Variants in SRRM2 observed in about 807,000 individuals in gnomAD.
SRRM2 encodes the protein serine/arginine repetitive matrix protein 2.
A neutral mutation model predicts 213.8 loss-of-function variants in SRRM2; 30 were observed. That is an observed-to-expected ratio of 0.14 (90% CI 0.10 to 0.19). SRRM2 has a LOEUF of 0.19. Among genes scored for constraint, SRRM2 ranks in the 10% least tolerant of loss-of-function variants. The pLI, the probability that SRRM2 is intolerant of heterozygous loss-of-function variation, is 1.00. For synonymous variants in SRRM2, 2,025 were observed against 1,377.7 expected (o/e 1.47, Z -10.40); for missense variants, 4,904 against 3,647.0 (o/e 1.34, Z -8.88).
At position 2,765,071 on chromosome 16, in the gene SRRM2, G is replaced by A; in HGVS notation, c.4543G>A (p.Glu1515Lys). ...CAACAAGTGTCTTACCCCCCAGAGA[G>A]AAAGAAGCGGGTCAGAATCATCAGT... ...LNNKCLTPQR[E>K]RSGSESSVDQ... Residue 1515 changes from glutamate (E) to lysine (K), a missense_variant, in exon 11 of 15, where the codon GAA becomes AAA. Physicochemically the swap from Glu to Lys is moderately conservative, Grantham distance 56 (BLOSUM62 1). Coordinates refer to ENST00000301740, the MANE Select transcript of SRRM2 (RefSeq NM_016333.4). 6.2e-7 allele frequency: 1 copy of A among 1,614,158 alleles called. No homozygotes were observed.
At chr16:2,756,194 G>A (rs2068133579) in intron 1 of SRRM2, 140 bp from the exon 2 acceptor site, 1 of 852,516 alleles carries the variant, frequency 1.2e-6, no homozygotes, top group Non-Finnish European at 1.7e-6. Context: ...CAGGAGGATG[G>A]TGGAGCATTA....
In SRRM2 at chr16:2,763,641, G is replaced by C; in HGVS notation, c.3113G>C (p.Gly1038Ala). The C allele has an allele frequency of 1.9e-6, 3 of 1,614,116 alleles. No homozygotes were observed. The highest frequency in any genetic ancestry group is 2.5e-6 in the Non-Finnish European group (3 of 1,180,030). The change falls in exon 11 of 15, where the codon GGA becomes GCA. Residue 1038 changes from glycine (G) to alanine (A), a missense_variant. By Grantham distance (60) the Gly-to-Ala change is moderately conservative. Coordinates refer to ENST00000301740, the MANE Select transcript of SRRM2 (RefSeq NM_016333.4). ...CCTGGATCCCTCTCTCTCTGTGCAG[G>C]AGTAAAATCTAGCACACCACCAGGC... Reference protein sequence around the residue: ...SCPGSLSLCAGVKSSTPPGES... With the variant: ...SCPGSLSLCAAVKSSTPPGES...
Position 2,770,675 on chromosome 16 carries a change from G to C in SRRM2, c.8207G>C (p.Arg2736Thr), listed in dbSNP as rs1204865018. Residue 2736 changes from arginine to threonine, a missense_variant, in exon 14 of 15, where the codon AGG (arginine) becomes ACG (threonine). Arg to Thr is a moderately conservative substitution (Grantham distance 71). Coordinates refer to ENST00000301740, the MANE Select transcript of SRRM2 (RefSeq NM_016333.4). ...CGCTCCCCCAGCCACAAGCGCAGGA[G>C]GGAGACACCTAGCCCTCGGCCCATG... ...DSRSPSHKRR[R>T]ETPSPRPMRH... is the part of the protein sequence containing the mutation. The C allele has an allele frequency of 6.4e-7, 1 of 1,555,844 alleles. No individual in the cohort carries two copies. Among genetic ancestry groups the C allele is most frequent in the South Asian group, 1.2e-5 (1 of 84,710 alleles).
intron 11 of SRRM2, 185 bp from the exon 12 acceptor site, chr16:2,768,812 C>T: frequency 3.3e-6 from 4 of 1,206,598 alleles, no homozygotes; most frequent in Non-Finnish European, 3.5e-6. Flanking sequence ...CCTGTTGCTT[C>T]TGTTAGCAGA....
At chr16:2,768,972 T>G (rs1172319591) in intron 11 of SRRM2, 25 bp from the exon 12 acceptor site, 3 of 1,610,560 alleles carry the variant, frequency 1.9e-6, no homozygotes. Flanking sequence ...GCTTGTCTCC[T>G]TGTGACACTC....
At position 2,765,986 on chromosome 16, in the gene SRRM2, T is replaced by C. The variant is rs757499465; in HGVS notation, c.5458T>C (p.Tyr1820His). 18 of 1,613,898 alleles carry C rather than the reference T, an allele frequency of 1.1e-5. No homozygotes were observed. The highest frequency in any genetic ancestry group is 8.5e-7 in the Non-Finnish European group (1 of 1,180,004). ...VTRRRRGGSG[Y>H]HSRSPARQES... ...TCGGCGGCGGAGGGGAGGCTCTGGT[T>C]ATCACTCAAGGTCACCTGCCCGGCA... The change falls in exon 11 of 15, where the codon TAT (tyrosine) becomes CAT (histidine). Residue 1820 changes from tyrosine to histidine, a missense_variant. Transcript: ENST00000301740.
Position 2,764,601 on chromosome 16 carries a change from C to T in SRRM2, c.4073C>T (p.Pro1358Leu), listed in dbSNP as rs531903636. ...SSEVKEDLNG[P>L]FLNQLETDPS... ...GAGGTTAAAGAAGATTTGAATGGAC[C>T]GTTTCTTAATCAGCTGGAAACAGAT... The change falls in exon 11 of 15, where the codon CCG (proline) becomes CTG (leucine). Residue 1358 changes from proline (P) to leucine (L), a missense_variant. Coordinates refer to ENST00000301740, the MANE Select transcript of SRRM2 (RefSeq NM_016333.4). 82 of 1,613,994 alleles carry T rather than the reference C, an allele frequency of 5.1e-5. No individual in the cohort carries two copies. The highest frequency in any genetic ancestry group is 6.7e-5 in the Non-Finnish European group (79 of 1,180,036).
At position 2,766,528 on chromosome 16, in the gene SRRM2, A is replaced by G. The variant is rs534912450; in HGVS notation, c.6000A>G (p.Pro2000=). The G allele has an allele frequency of 1.6e-5, 26 of 1,614,078 alleles. No homozygotes were observed. The South Asian group carries it at 2.3e-4, about 14-fold the overall frequency. The change falls in exon 11 of 15, where the codon CCA becomes CCG. Residue 2000 remains proline, a synonymous_variant. Transcript: ENST00000301740. This position sits in a 1 kb window ranked among gnomAD's most constrained non-coding sequence, Gnocchi z 7.0. The part of the protein sequence containing the change: ...TRRRSRSRTS[P]VTRRRSRSRT... ...GGAGATCTCGATCTCGCACATCTCC[A>G]GTAACTCGAAGAAGGTCCCGCTCTC...
At position 2,766,570 on chromosome 16, in the gene SRRM2, A is replaced by G. The variant is rs148042295; in HGVS notation, c.6042A>G (p.Thr2014=). 98 of 1,613,884 alleles carry G rather than the reference A, an allele frequency of 6.1e-5. No homozygotes were observed. The highest frequency in any genetic ancestry group is 7.7e-5 in the Non-Finnish European group (91 of 1,180,004). ...RRSRSRTSPV[T]RRRSRSRTPP... is the part of the protein sequence containing the mutation. ...CCCGCTCTCGAACCTCACCAGTGACACGCCGCCGCTCTAGGTCCCGGACAC... is the reference window on the plus strand; with the variant it reads ...CCCGCTCTCGAACCTCACCAGTGACGCGCCGCCGCTCTAGGTCCCGGACAC... Residue 2014 remains threonine (T), a synonymous_variant, in exon 11 of 15, where the codon ACA becomes ACG. Coordinates refer to ENST00000301740, the MANE Select transcript of SRRM2 (RefSeq NM_016333.4). This position sits in a 1 kb window ranked among gnomAD's most constrained non-coding sequence, Gnocchi z 7.0.
In SRRM2 at chr16:2,763,625, C is replaced by G. The variant is rs144062030; in HGVS notation, c.3097C>G (p.Leu1033Val). ...ACTAGTTCAAAGTTGCCCTGGATCCCTCTCTCTCTGTGCAGGAGTAAAATC... is the reference window on the plus strand; with the variant it reads ...ACTAGTTCAAAGTTGCCCTGGATCCGTCTCTCTCTGTGCAGGAGTAAAATC... ...DSLVQSCPGS[L>V]SLCAGVKSST... is the part of the protein sequence containing the mutation. Residue 1033 changes from leucine to valine, a missense_variant, in exon 11 of 15, where the codon CTC becomes GTC. Coordinates refer to ENST00000301740, the MANE Select transcript of SRRM2 (RefSeq NM_016333.4). 3.8e-4 allele frequency: 608 copies of G among 1,614,084 alleles called. 2 individuals carry two copies. The East Asian group carries it at 9.7e-3, about 26-fold the overall frequency.
chr16:2,763,989 T>C lies in SRRM2; in HGVS notation c.3461T>C (p.Leu1154Ser), dbSNP rs1218110995. The stretch of plus-strand genomic sequence containing the variant: ...CCTACAGTGGACTCGAATTCTCTCT[T>C]GGGGCAGAGTAGATTGGAGACTGCT... ...SYPTVDSNSL[L>S]GQSRLETAES... Residue 1154 changes from leucine to serine, a missense_variant, in exon 11 of 15, where the codon TTG becomes TCG. Coordinates refer to ENST00000301740, the MANE Select transcript of SRRM2 (RefSeq NM_016333.4). 2 of 1,614,086 alleles carry C rather than the reference T, an allele frequency of 1.2e-6. No homozygotes were observed. The highest frequency in any genetic ancestry group is 2.2e-5 in the East Asian group (1 of 44,906).
In SRRM2 at chr16:2,770,469, A is replaced by G; in HGVS notation, c.8135+4A>G. 1 of 1,603,822 alleles carries G rather than the reference A, an allele frequency of 6.2e-7. No homozygotes were observed. The highest frequency in any genetic ancestry group is 8.5e-7 in the Non-Finnish European group (1 of 1,175,562). ...CCTCACCACGGGACCAGCAGAGGTA[A>G]GGCCAACTGCAGGTGTCAGCACCCA... is the stretch of plus-strand genomic sequence containing the variant. On this transcript the variant is annotated splice_donor_region_variant and intron_variant, in intron 13 of 14. Coordinates refer to ENST00000301740, the MANE Select transcript of SRRM2 (RefSeq NM_016333.4).
At chr16:2,759,234 G>A (rs2068254037) in intron 7 of SRRM2, 62 bp downstream of exon 7, 4 of 1,602,064 alleles carry the variant, frequency 2.5e-6, no homozygotes, top group East Asian at 4.5e-5. Flanking sequence ...TTTTTTTCTT[G>A]GAGTGAAGCT....
rs745641722 is a variant in SRRM2, at chr16:2,762,882, G to A, written c.2354G>A (p.Cys785Tyr). 5.0e-6 allele frequency: 8 copies of A among 1,613,984 alleles called. No individual in the cohort carries two copies. Among genetic ancestry groups the A allele is most frequent in the South Asian group, 2.2e-5 (2 of 91,068 alleles). Residue 785 changes from cysteine to tyrosine, a missense_variant, in exon 11 of 15, where the codon TGC (cysteine) becomes TAC (tyrosine). Cys to Tyr is a radical substitution (Grantham distance 194, BLOSUM62 -2). Coordinates refer to ENST00000301740, the MANE Select transcript of SRRM2 (RefSeq NM_016333.4). Reference sequence around the variant, plus strand: ...CGCAGCCTTTCAGGGTCTTCCCCATGCCCTAAACAAAAGTCACAGACACCA... The same window carrying A: ...CGCAGCCTTTCAGGGTCTTCCCCATACCCTAAACAAAAGTCACAGACACCA... ...LRRSLSGSSP[C>Y]PKQKSQTPPR... is the part of the protein sequence containing the mutation.
chr16:2,764,119 G>C lies in SRRM2; in HGVS notation c.3591G>C (p.Glu1197Asp), dbSNP rs775643828. The change falls in exon 11 of 15, where the codon GAG (glutamate) becomes GAC (aspartate). Residue 1197 changes from glutamate (E) to aspartate (D), a missense_variant. Physicochemically the swap from Glu to Asp is conservative, Grantham distance 45. Transcript: ENST00000301740. The part of the protein sequence containing the change: ...FSPFPVQDRP[E>D]SSLVFKDTLR... ...CCTTTCCAGTACAGGATAGGCCTGA[G>C]TCTTCACTGGTATTCAAAGACACAC... is the stretch of plus-strand genomic sequence containing the variant. 2.7e-5 allele frequency: 43 copies of C among 1,614,032 alleles called. No individual in the cohort carries two copies. In the South Asian group the frequency reaches 4.0e-4, roughly 15 times the overall value.
Position 2,768,170 on chromosome 16 carries a change from T to C in SRRM2, c.7642T>C (p.Ser2548Pro). 6.3e-7 allele frequency: 1 copy of C among 1,596,064 alleles called. No homozygotes were observed. Among genetic ancestry groups the C allele is most frequent in the African/African-American group, 1.3e-5 (1 of 74,680 alleles). The stretch of plus-strand genomic sequence containing the variant: ...CTCTAGCTCCTCCTCTTCTTCATCA[T>C]CGTCGTCGTCGTCCTCCTCCTCCTC... Reference protein sequence around the residue: ...SSSSSSSSSSSSSSSSSSSGS... With the variant: ...SSSSSSSSSSPSSSSSSSSGS... Residue 2548 changes from serine to proline, a missense_variant, in exon 11 of 15, where the codon TCG becomes CCG. Coordinates refer to ENST00000301740, the MANE Select transcript of SRRM2 (RefSeq NM_016333.4).
chr16:2,769,425 T>C, intron 12 of SRRM2, 141 bp downstream of exon 12: 1 of 971,586 alleles, frequency 1.0e-6, no homozygotes, highest in Non-Finnish European at 1.5e-6. Context: ...CTTGCTCTCC[T>C]CTCCCCATGC....
intron 4 of SRRM2, 45 bp downstream of exon 4, chr16:2,757,990 T>C: frequency 6.3e-7 from 1 of 1,579,420 alleles, no homozygotes; most frequent in African/African-American, 1.4e-5. Context: ...TTCTTGATTG[T>C]AAGCTCCATG....
chr16:2,762,662 A>C lies in SRRM2; in HGVS notation c.2134A>C (p.Arg712=). Residue 712 remains arginine, a synonymous_variant, in exon 11 of 15, where the codon AGA becomes CGA. Coordinates refer to ENST00000301740, the MANE Select transcript of SRRM2 (RefSeq NM_016333.4). ...SRSRSLVRRG[R]SHSRTPQRRG... is the part of the protein sequence containing the mutation. ...CAGTAGAAGCTTAGTTAGACGTGGA[A>C]GATCTCACTCTAGAACACCTCAAAG... 6.2e-7 allele frequency: 1 copy of C among 1,614,186 alleles called. No individual in the cohort carries two copies. The highest frequency in any genetic ancestry group is 8.5e-7 in the Non-Finnish European group (1 of 1,180,024).
Sources: gnomAD v4.1 joint callset for allele counts on GRCh38, gnomAD v4.1.1 for gene constraint, Gnocchi (gnomAD v3.1) non-coding constraint, MANE v1.5 for transcripts, NCBI Gene and HGNC (gene_info 2026-07-23, HGNC 2026-07-21) for gene names.